Variants in TUBB8 observed in about 807,000 individuals in gnomAD.
TUBB8 encodes the protein tubulin beta-8 chain.
Under a neutral mutation model 33.7 loss-of-function variants are expected in TUBB8, and 25 were observed. That is an observed-to-expected ratio of 0.74 (90% CI 0.54 to 1.04). The LOEUF (loss-of-function observed/expected upper bound fraction) is 1.04. Among genes scored for constraint, TUBB8 ranks in the 50% least tolerant of loss-of-function variants. The probability of loss-of-function intolerance (pLI) is 0.00; values close to 1 mark genes in which losing one functional copy is unlikely to be tolerated. For synonymous variants in TUBB8, 245 were observed against 240.1 expected, an observed-to-expected ratio of 1.02 and a Z score of -0.19; for missense variants, 279 against 608.0, an observed-to-expected ratio of 0.46 and a Z score of 5.69.
chr10:62,220 T>G (rs1834611746), intron 1 of TUBB8, among the ~76,000 whole-genome samples: 1 of 152,234 alleles, frequency 6.6e-6, no homozygotes, highest in African/African-American at 2.4e-5. Context: ...TCTTTTAATA[T>G]TATCTAATTT....
chr10:52,239 G>T (rs2131816941), upstream of TUBB8, among the ~76,000 whole-genome samples: 1 of 152,216 alleles, frequency 6.6e-6, no homozygotes, highest in East Asian at 1.9e-4. Flanking sequence ...AACCTGAATG[G>T]CTTCATGACC....
intron 1 of TUBB8, among the ~76,000 whole-genome samples, chr10:62,648 C>T (rs1834617998): frequency 6.6e-6 from 1 of 152,140 alleles, no homozygotes; most frequent in African/African-American, 2.4e-5. Flanking sequence ...CTAAGAACTC[C>T]CTTTAGCATT....
intron 1 of TUBB8, among the ~76,000 whole-genome samples, chr10:63,017 G>A (rs1361848060): frequency 6.6e-6 from 1 of 152,014 alleles, no homozygotes; most frequent in Non-Finnish European, 1.5e-5. Flanking sequence ...GTACTTGAAT[G>A]TTGATATCGA....
chr10:74,034 T>A (rs1834773807), exon 1 of TUBB8: 1 of 155,176 alleles, frequency 6.4e-6, no homozygotes, highest in Non-Finnish European at 1.5e-5. Flanking sequence ...CGGCCCCAGG[T>A]GTCCCAAGCC....
chr10:72,156 C>A (rs138966443), intron 1 of TUBB8, among the ~76,000 whole-genome samples: 11,873 of 117,130 alleles, frequency 0.1, no homozygotes, highest in African/African-American at 0.23. Context: ...ACCCAGGAGG[C>A]AGAGGTTGCA....
chr10:71,269 C>G (rs1834732331), intron 1 of TUBB8, among the ~76,000 whole-genome samples: 1 of 151,550 alleles, frequency 6.6e-6, no homozygotes, highest in Middle Eastern at 3.4e-3. Flanking sequence ...GAGCGGAGAT[C>G]GTGCCACTAC....
At chr10:49,688 T>C, upstream of TUBB8, 1 of 423,414 alleles carries the variant, frequency 2.4e-6, no homozygotes, top group Non-Finnish European at 4.7e-6. Context: ...AGGAAAGGCC[T>C]TCCACATGTG....
At chr10:68,712 C>T (rs1834702085) in intron 1 of TUBB8, among the ~76,000 whole-genome samples, 1 of 152,234 alleles carries the variant, frequency 6.6e-6, no homozygotes. Context: ...ACACAAAACA[C>T]TCCAGTGTAT....
upstream of TUBB8, among the ~76,000 whole-genome samples, chr10:74,550 C>G (rs553464966): frequency 4.0e-5 from 6 of 149,366 alleles, no homozygotes; most frequent in South Asian, 1.3e-3. Flanking sequence ...TCCCTTGAAC[C>G]CGGGAGGTGG....
upstream of TUBB8, among the ~76,000 whole-genome samples, chr10:75,334 G>T (rs1554743022): frequency 1.3e-5 from 2 of 151,456 alleles, no homozygotes; most frequent in African/African-American, 4.9e-5. Flanking sequence ...GGGTGACAGA[G>T]CAAGACCTTC....
intron 1 of TUBB8, among the ~76,000 whole-genome samples, chr10:55,897 T>C (rs1250035214): frequency 6.6e-6 from 1 of 152,280 alleles, no homozygotes; most frequent in Admixed American, 6.5e-5. Flanking sequence ...AGCTTGATAG[T>C]ATAATTTAAA....
At chr10:48,421 T>C in intron 3 of TUBB8, 194 bp downstream of exon 3, 1 of 659,594 alleles carries the variant, frequency 1.5e-6, no homozygotes, top group East Asian at 2.7e-5. Flanking sequence ...CAGTAACTCC[T>C]CACCTTGAGG....
intron 1 of TUBB8, among the ~76,000 whole-genome samples, chr10:70,279 TTTTTA>T (rs1407238524): frequency 0.021 from 236 of 11,010 alleles, no homozygotes; most frequent in African/African-American, 0.043. Flanking sequence ...TGTTTTTGTT[TTTTTA>T]TTTTTTTTAT....
At chr10:56,618 A>G (rs1196302286) in intron 1 of TUBB8, among the ~76,000 whole-genome samples, 1 of 150,036 alleles carries the variant, frequency 6.7e-6, no homozygotes, top group Non-Finnish European at 1.5e-5. Flanking sequence ...ACCAGGTCTC[A>G]TGAAAACTTA....
chr10:76,151 A>AAC (rs1377096706), upstream of TUBB8, among the ~76,000 whole-genome samples: 3 of 150,872 alleles, frequency 2.0e-5, no homozygotes, highest in African/African-American at 7.3e-5. Flanking sequence ...AAAAAAAAAA[A>AAC]AAAAAAAAAC....
At chr10:73,790 C>T (rs1303288750) in intron 1 of TUBB8, among the ~76,000 whole-genome samples, 4 of 151,818 alleles carry the variant, frequency 2.6e-5, no homozygotes, top group Non-Finnish European at 5.9e-5. Flanking sequence ...AGGGTCTCTC[C>T]CCAGAAACAA....
Position 56,719 on chromosome 10 carries a change from C to G in TUBB8, c.-845-6486G>C, listed in dbSNP as rs555341146. On this transcript the variant is annotated intron_variant, in intron 1 of 3. Transcript: ENST00000564130. ...TTCAATCACCTCCCCACTAGGCCCACTTCCAACATTGAGGATTACATTTCA... is the reference window on the plus strand; with the variant it reads ...TTCAATCACCTCCCCACTAGGCCCAGTTCCAACATTGAGGATTACATTTCA... 2.2e-4 allele frequency among the ~76,000 whole-genome samples: 34 copies of G among 152,328 alleles called. No homozygotes were observed. In the East Asian group the frequency reaches 4.8e-3, roughly 22 times the overall value.
chr10:51,103 CAG>C (rs559840437), upstream of TUBB8, among the ~76,000 whole-genome samples: 7 of 152,188 alleles, frequency 4.6e-5, no homozygotes, highest in Non-Finnish European at 8.8e-5. Flanking sequence ...GTTCTCATGA[CAG>C]TGAATAAGCC....
In TUBB8 at chr10:48,505, G is replaced by A. The variant is rs141594648; in HGVS notation, c.277+110C>T. The A allele has an allele frequency of 2.1e-5, 22 of 1,036,376 alleles. No homozygotes were observed. The African/African-American group carries it at 3.4e-4, about 16-fold the overall frequency. The allele number at this position is 1,036,376 out of a possible 1,614,324, so 64.2% of individuals were successfully genotyped here. A position where few individuals can be genotyped will look rare whatever the true frequency, so the allele number is the denominator to read the frequency against. The stretch of plus-strand genomic sequence containing the variant: ...GCGACTCGACTCGGAGGATAGGAGG[G>A]TGTTCAGGGGCCCTAGCTCCACAGT... On this transcript the variant is annotated intron_variant, in intron 3 of 3. Coordinates refer to ENST00000568584, the MANE Select transcript of TUBB8 (RefSeq NM_177987.3).
Sources: allele counts gnomAD v4.1 joint callset (sites outside exome capture counted in the v4.1 genomes callset), GRCh38; gene constraint gnomAD v4.1.1; transcripts MANE v1.5; gene names NCBI Gene and HGNC (gene_info 2026-07-23, HGNC 2026-07-21).